Variants in ARHGEF18 observed in about 807,000 individuals in gnomAD.
ARHGEF18 encodes Rho/Rac guanine nucleotide exchange factor 18.
Under a neutral mutation model 155.7 loss-of-function variants are expected in ARHGEF18, and 93 were observed. That is an observed-to-expected ratio of 0.60 (90% CI 0.50 to 0.71). The LOEUF is 0.71. Ranked by LOEUF, ARHGEF18 falls within the 30% of genes least tolerant of loss-of-function variation. ARHGEF18 has a pLI of 0.00. For synonymous variants in ARHGEF18, 742 were observed against 753.1 expected (o/e 0.99, Z 0.24); for missense variants, 1,593 against 1,816.1 (o/e 0.88, Z 2.23).
At chr19:7,439,280 A>C (rs1220144783) in intron 10 of ARHGEF18, among the ~76,000 whole-genome samples, 13 of 145,028 alleles carry the variant, frequency 9.0e-5, no homozygotes, top group Middle Eastern at 3.5e-3. Flanking sequence ...ACATAGTGAG[A>C]CCCCCCCCCA....
intron 10 of ARHGEF18, among the ~76,000 whole-genome samples, chr19:7,425,884 C>T: frequency 6.6e-6 from 1 of 152,052 alleles, no homozygotes; most frequent in South Asian, 2.1e-4. Flanking sequence ...CCCGTAGTCC[C>T]AGCTACTCAG....
At chr19:7,479,869 T>C in the ARHGEF18 span, among the ~76,000 whole-genome samples, 2 of 152,160 alleles carry the variant, frequency 1.3e-5, no homozygotes, top group Non-Finnish European at 2.9e-5. Flanking sequence ...AAATGCACCA[T>C]GTGGATGCTG....
At chr19:7,429,128 T>TC (rs142402795) in intron 10 of ARHGEF18, among the ~76,000 whole-genome samples, 4 of 151,722 alleles carry the variant, frequency 2.6e-5, no homozygotes, top group African/African-American at 4.8e-5. Context: ...GCTCTGAGGC[T>TC]CCCCCCTGGT....
intron 10 of ARHGEF18, among the ~76,000 whole-genome samples, chr19:7,432,922 A>G (rs1489059994): frequency 6.6e-6 from 1 of 152,244 alleles, no homozygotes; most frequent in Non-Finnish European, 1.5e-5. Flanking sequence ...CACTTTGGGA[A>G]GTCGAAGCGG....
rs567221084 is a variant in ARHGEF18, at chr19:7,470,321, A to C, written c.*23A>C. On this transcript the variant is annotated 3_prime_UTR_variant, in exon 29 of 29. Transcript: ENST00000668164. This position sits in a 1 kb window ranked among gnomAD's most constrained non-coding sequence, Gnocchi z 5.9. ...TAAAAGGGCCGTGACTCAAGGTGCA[A>C]GGCCCCTCCCTGCCCTGCCCACCCT... The C allele has an allele frequency of 1.4e-4, 208 of 1,483,816 alleles. 1 individual carries two copies. The South Asian group carries it at 2.7e-3, about 19-fold the overall frequency. 91.9% of individuals were successfully genotyped at this position (1,483,816 alleles called of 1,614,324 possible). A position where few individuals can be genotyped will look rare whatever the true frequency, so the allele number is the denominator to read the frequency against.
chr19:7,383,359 C>A, intron 10 of ARHGEF18, 156 bp downstream of exon 10: 4 of 776,068 alleles, frequency 5.2e-6, no homozygotes, highest in South Asian at 6.6e-5. Flanking sequence ...AGGGATCAGT[C>A]CCTGGGCACA....
chr19:7,428,517 T>C (rs12977793), intron 10 of ARHGEF18, among the ~76,000 whole-genome samples: 96,282 of 151,498 alleles, frequency 0.64, 31,310 homozygotes, highest in Middle Eastern at 0.77. Context: ...CTTGGCCTTC[T>C]GAAGAGATTT....
intron 10 of ARHGEF18, among the ~76,000 whole-genome samples, chr19:7,404,212 C>T (rs1021268405): frequency 1.3e-5 from 2 of 152,048 alleles, no homozygotes; most frequent in African/African-American, 4.8e-5. Flanking sequence ...GAGGCAGGTA[C>T]GGGCTGCCCT....
At chr19:7,418,843 TC>T in intron 10 of ARHGEF18, among the ~76,000 whole-genome samples, 1 of 152,084 alleles carries the variant, frequency 6.6e-6, no homozygotes, top group South Asian at 2.1e-4. Context: ...CTTTTGAGTT[TC>T]CACAAATACT....
At chr19:7,369,244 C>T (rs1970084642) in intron 2 of ARHGEF18, among the ~76,000 whole-genome samples, 2 of 151,290 alleles carry the variant, frequency 1.3e-5, no homozygotes, top group South Asian at 4.2e-4. Flanking sequence ...GATGGATCAT[C>T]TGAGGTCGGG....
chr19:7,456,193 A>C, intron 17 of ARHGEF18, 134 bp from the exon 18 acceptor site: 1 of 804,826 alleles, frequency 1.2e-6, no homozygotes. Flanking sequence ...GCAAGGCAGA[A>C]AGGAAACTTC....
rs773423318 is a variant in ARHGEF18 at position 7,440,293 on chromosome 19, G to A, written c.968-51G>A. On this transcript the variant is annotated intron_variant, in intron 10 of 28. Transcript: ENST00000668164. This position sits in a 1 kb window ranked among gnomAD's most constrained non-coding sequence, Gnocchi z 5.4. The stretch of plus-strand genomic sequence containing the variant: ...CGGGGCTTCCGCGCCGGGGACCTCC[G>A]CTACCCGACCCACTTTCTCAGCACC... 26 of 1,581,206 alleles carry A rather than the reference G, an allele frequency of 1.6e-5. No individual in the cohort carries two copies. The highest frequency in any genetic ancestry group is 6.8e-5 in the African/African-American group (5 of 74,008).
intron 10 of ARHGEF18, among the ~76,000 whole-genome samples, chr19:7,390,918 T>G (rs1250586217): frequency 6.6e-6 from 1 of 152,042 alleles, no homozygotes; most frequent in Non-Finnish European, 1.5e-5. Context: ...CGCCTGCCTG[T>G]AGTCCCAGCT....
At chr19:7,399,882 C>T (rs1971942803) in intron 10 of ARHGEF18, among the ~76,000 whole-genome samples, 1 of 151,696 alleles carries the variant, frequency 6.6e-6, no homozygotes, top group Non-Finnish European at 1.5e-5. Context: ...AAGCAATCCT[C>T]CCACTTCAGC....
chr19:7,456,258 C>T (rs982151957), intron 17 of ARHGEF18, 69 bp from the exon 18 acceptor site: 90 of 1,431,900 alleles, frequency 6.3e-5, no homozygotes, highest in Middle Eastern at 3.5e-4. Flanking sequence ...GTGGCATCCG[C>T]GGGGGTGGCC....
chr19:7,463,734 C>G lies in ARHGEF18; in HGVS notation c.2636-84C>G. The G allele has an allele frequency of 6.9e-7, 1 of 1,449,782 alleles. No individual in the cohort carries two copies. The highest frequency in any genetic ancestry group is 2.5e-5 in the Admixed American group (1 of 40,388). 89.8% of individuals were successfully genotyped at this position (1,449,782 alleles called of 1,614,324 possible). A position where few individuals can be genotyped will look rare whatever the true frequency, so the allele number is the denominator to read the frequency against. The stretch of plus-strand genomic sequence containing the variant: ...ACCCCAGTGAGTCCCTCCGTCCACC[C>G]GGGTCTCGCTGCCCCAGCGCTCCGT... On this transcript the variant is annotated intron_variant, in intron 21 of 28. Transcript: ENST00000668164. This position sits in a 1 kb window ranked among gnomAD's most constrained non-coding sequence, Gnocchi z 5.2.
At position 7,453,668 on chromosome 19, in the gene ARHGEF18, A is replaced by T. The variant is rs1259008614; in HGVS notation, c.2057A>T (p.His686Leu). The T allele has an allele frequency of 6.2e-7, 1 of 1,603,006 alleles. No homozygotes were observed. The highest frequency in any genetic ancestry group is 8.5e-7 in the Non-Finnish European group (1 of 1,172,304). ...RKEDMLQRQL[H>L]LEGMLCWKTT... ...GAAGACATGCTTCAGCGGCAGCTCC[A>T]CCTGGAGGGCATGCTATGCTGGAAG... is the stretch of plus-strand genomic sequence containing the variant. The change falls in exon 17 of 29, where the codon CAC becomes CTC. Residue 686 changes from histidine to leucine, a missense_variant. Transcript: ENST00000668164.
At chr19:7,387,403 C>A (rs542987469) in intron 10 of ARHGEF18, among the ~76,000 whole-genome samples, 1 of 152,050 alleles carries the variant, frequency 6.6e-6, no homozygotes, top group South Asian at 2.1e-4. Context: ...CTGCCCGTCT[C>A]GGTCTCCCAA....
chr19:7,396,013 A>G (rs1971686188), intron 10 of ARHGEF18, among the ~76,000 whole-genome samples: 1 of 152,014 alleles, frequency 6.6e-6, no homozygotes. Context: ...TTCCCGCTCT[A>G]GTAGAGCCCA....
Sources: gnomAD v4.1 joint callset for allele counts (sites outside exome capture counted in the v4.1 genomes callset) on GRCh38, gnomAD v4.1.1 for gene constraint, Gnocchi (gnomAD v3.1) non-coding constraint, MANE v1.5 for transcripts, NCBI Gene and HGNC (gene_info 2026-07-23, HGNC 2026-07-21) for gene names.